ZCCHC7: variants seen among roughly 807,000 people sequenced by gnomAD.
ZCCHC7 encodes zinc finger CCHC-type containing 7, also known as zinc finger CCHC domain-containing protein 7.
In ZCCHC7, 35 loss-of-function variants were observed where a neutral mutation model predicts 52.0. That is an observed-to-expected ratio of 0.67 (90% confidence interval 0.51 to 0.89). ZCCHC7 has a LOEUF of 0.89. Among genes scored for constraint, ZCCHC7 ranks in the 40% least tolerant of loss-of-function variants. The pLI, the probability that ZCCHC7 is intolerant of heterozygous loss-of-function variation, is 0.00. For missense variants in ZCCHC7, 574 were observed against 649.1 expected (o/e 0.88, Z 1.26); for synonymous variants, 217 against 221.5 (o/e 0.98, Z 0.18).
chr9:37,347,954 C>CTT (rs2118583720), intron 6 of ZCCHC7, among the ~76,000 whole-genome samples: 1 of 152,316 alleles, frequency 6.6e-6, no homozygotes, highest in African/African-American at 2.4e-5. Flanking sequence ...TTAACCTTCC[C>CTT]TTCTATGTCC....
intron 2 of ZCCHC7, among the ~76,000 whole-genome samples, chr9:37,148,953 A>G (rs1057357121): frequency 2.0e-4 from 31 of 152,126 alleles, no homozygotes; most frequent in Non-Finnish European, 4.3e-4. Flanking sequence ...GAATGGGCAC[A>G]GTTTGTTTGA....
At chr9:37,341,098 C>T (rs1350482279) in intron 6 of ZCCHC7, among the ~76,000 whole-genome samples, 1 of 152,046 alleles carries the variant, frequency 6.6e-6, no homozygotes, top group African/African-American at 2.4e-5. Flanking sequence ...TTCAAAATCT[C>T]GATTAAGAAG....
At chr9:37,135,890 T>A (rs1760972319) in intron 2 of ZCCHC7, among the ~76,000 whole-genome samples, 1 of 152,194 alleles carries the variant, frequency 6.6e-6, no homozygotes, top group Admixed American at 6.5e-5. Flanking sequence ...GAAGAACTCA[T>A]CTAGAGGCCA....
In ZCCHC7 at chr9:37,349,501, G is replaced by C. The variant is rs1588707921; in HGVS notation, c.1083+49G>C. 7.1e-6 allele frequency: 11 copies of C among 1,543,994 alleles called. No homozygotes were observed. In the East Asian group the frequency reaches 2.5e-4, roughly 35 times the overall value. ...ATGAAGCATTCTGTTGTCAGGGAGTGTTTTCTGAAAGATGAACTCAAAAAG... is the reference window on the plus strand; with the variant it reads ...ATGAAGCATTCTGTTGTCAGGGAGTCTTTTCTGAAAGATGAACTCAAAAAG... On this transcript the variant is annotated intron_variant, in intron 7 of 8. Coordinates refer to ENST00000336755, the MANE Select transcript of ZCCHC7 (RefSeq NM_032226.3).
chr9:37,329,257 T>G (rs1457187220), intron 6 of ZCCHC7, among the ~76,000 whole-genome samples: 1 of 151,776 alleles, frequency 6.6e-6, no homozygotes, highest in East Asian at 1.9e-4. Context: ...TTTTGATTAT[T>G]TACACCTGTG....
At chr9:37,168,251 T>A (rs1304436369) in intron 2 of ZCCHC7, among the ~76,000 whole-genome samples, 2 of 152,200 alleles carry the variant, frequency 1.3e-5, no homozygotes, top group Non-Finnish European at 2.9e-5. Flanking sequence ...TTTTAAACGC[T>A]TTTTCATGTG....
chr9:37,156,583 G>A (rs932714177), intron 2 of ZCCHC7, among the ~76,000 whole-genome samples: 1 of 152,156 alleles, frequency 6.6e-6, no homozygotes, highest in African/African-American at 2.4e-5. Context: ...AAAATTCTTT[G>A]TATAAATGTT....
At chr9:37,331,077 T>C (rs1435903877) in intron 6 of ZCCHC7, among the ~76,000 whole-genome samples, 1 of 151,804 alleles carries the variant, frequency 6.6e-6, no homozygotes, top group Non-Finnish European at 1.5e-5. Flanking sequence ...AAAATGTATT[T>C]CAACCCTACT....
chr9:37,136,458 C>G (rs988809830), intron 2 of ZCCHC7, among the ~76,000 whole-genome samples: 2 of 151,986 alleles, frequency 1.3e-5, no homozygotes, highest in South Asian at 4.2e-4. Context: ...CACCCCACCC[C>G]TGCCCCACCT....
At chr9:37,343,584 G>A (rs191958437) in intron 6 of ZCCHC7, among the ~76,000 whole-genome samples, 1 of 152,122 alleles carries the variant, frequency 6.6e-6, no homozygotes. Flanking sequence ...TCAAATTTAG[G>A]CAATAAAGTA....
At chr9:37,319,969 A>G (rs188407656) in intron 5 of ZCCHC7, among the ~76,000 whole-genome samples, 5 of 152,212 alleles carry the variant, frequency 3.3e-5, no homozygotes, top group East Asian at 3.9e-4. Flanking sequence ...CCTGTGCTCT[A>G]TTTTGTTGCA....
intron 2 of ZCCHC7, among the ~76,000 whole-genome samples, chr9:37,270,771 A>G (rs976377520): frequency 2.7e-5 from 4 of 150,480 alleles, no homozygotes; most frequent in African/African-American, 7.3e-5. Context: ...TCTCCTCTTT[A>G]AAGAGGCCAT....
intron 5 of ZCCHC7, among the ~76,000 whole-genome samples, chr9:37,311,766 T>C (rs760910991): frequency 5.3e-5 from 8 of 152,180 alleles, no homozygotes; most frequent in Non-Finnish European, 8.8e-5. Flanking sequence ...TACTACAATA[T>C]TTTTCACAGT....
rs374354671 is a variant in ZCCHC7 at position 37,305,624 on chromosome 9, T to C, written c.861T>C (p.Pro287=). 2 of 1,614,076 alleles carry C rather than the reference T, an allele frequency of 1.2e-6. No individual in the cohort carries two copies. The highest frequency in any genetic ancestry group is 1.7e-6 in the Non-Finnish European group (2 of 1,180,018). Reference sequence around the variant, plus strand: ...CAGCCCCCCTTTGCGAATACTGTCCTGTGCCTAAGATGTTGGACCACTCAT... The same window carrying C: ...CAGCCCCCCTTTGCGAATACTGTCCCGTGCCTAAGATGTTGGACCACTCAT... ...SCPAPLCEYC[P]VPKMLDHSCL... Residue 287 remains proline, a synonymous_variant, in exon 5 of 9, where the codon CCT becomes CCC. Coordinates refer to ENST00000336755, the MANE Select transcript of ZCCHC7 (RefSeq NM_032226.3).
intron 2 of ZCCHC7, among the ~76,000 whole-genome samples, chr9:37,248,708 A>G (rs1826186244): frequency 6.6e-6 from 1 of 152,214 alleles, no homozygotes; most frequent in South Asian, 2.1e-4. Context: ...TAAGCATGTC[A>G]TAATTCAAGT....
intron 2 of ZCCHC7, among the ~76,000 whole-genome samples, chr9:37,288,285 AAAAAAAAAATCTATCTATCTATCTAT>A (rs1181789775): frequency 6.6e-6 from 1 of 151,450 alleles, no homozygotes; most frequent in Non-Finnish European, 1.5e-5. Context: ...GTCTCAAAAA[AAAAAAAAAATCTATCTATCTATCTAT>A]ATAGATAGAT....
intron 2 of ZCCHC7, among the ~76,000 whole-genome samples, chr9:37,270,898 C>G (rs1042559542): frequency 1.3e-5 from 2 of 151,582 alleles, no homozygotes; most frequent in South Asian, 4.2e-4. Flanking sequence ...CTGTATAACT[C>G]AAATTCTTAA....
chr9:37,208,456 G>A (rs1824039833), intron 2 of ZCCHC7, among the ~76,000 whole-genome samples: 1 of 152,142 alleles, frequency 6.6e-6, no homozygotes, highest in Admixed American at 6.5e-5. Context: ...GCTTTAATAG[G>A]CAGGAGTGCT....
At chr9:37,201,669 G>A (rs1421130376) in intron 2 of ZCCHC7, among the ~76,000 whole-genome samples, 1 of 152,174 alleles carries the variant, frequency 6.6e-6, no homozygotes. Flanking sequence ...AGGGCCCAAT[G>A]ACATGCATCC....
Sources: allele counts gnomAD v4.1 joint callset (sites outside exome capture counted in the v4.1 genomes callset), GRCh38; gene constraint gnomAD v4.1.1; transcripts MANE v1.5; gene names NCBI Gene and HGNC (gene_info 2026-07-23, HGNC 2026-07-21).